The following SHB variants were observed in gnomAD, a reference collection of about 807,000 sequenced individuals.
The protein encoded by SHB is SH2 domain containing adaptor protein B.
In SHB, 20 loss-of-function variants were observed where a neutral mutation model predicts 52.3. The observed-to-expected ratio is 0.38, with a 90% CI of 0.27 to 0.56. The LOEUF (loss-of-function observed/expected upper bound fraction) is 0.56. Ranked by LOEUF, SHB falls within the 20% of genes least tolerant of loss-of-function variation. The pLI, the probability that SHB is intolerant of heterozygous loss-of-function variation, is 0.71. For missense variants in SHB, 825 were observed against 723.3 expected, an observed-to-expected ratio of 1.14 and a Z score of -1.61; for synonymous variants, 397 against 316.5, an observed-to-expected ratio of 1.25 and a Z score of -2.70.
chr9:37,931,901 C>T (rs539373102), intron 5 of SHB, among the ~76,000 whole-genome samples: 6 of 152,206 alleles, frequency 3.9e-5, no homozygotes, highest in African/African-American at 4.8e-5. Context: ...AATACTATTC[C>T]GCCCTAAAAA....
rs1822013804 is a variant in SHB, at chr9:38,068,741, GC to G, written c.-97del. 5.5e-6 allele frequency: 4 copies of G among 722,372 alleles called. No individual in the cohort carries two copies. Among genetic ancestry groups the G allele is most frequent in the Non-Finnish European group, 7.0e-6 (4 of 573,206 alleles). The allele number at this position is 722,372 out of a possible 1,614,324, so 44.7% of individuals were successfully genotyped here. A position where few individuals can be genotyped will look rare whatever the true frequency, so the allele number is the denominator to read the frequency against. On this transcript the variant is annotated 5_prime_UTR_variant, in exon 1 of 6. Coordinates refer to ENST00000377707, the MANE Select transcript of SHB (RefSeq NM_003028.3). ...GCGGCGCAGGTCCCTCGGCGCCCCGGCCCCGGCGGGGGGCGTCCGGGGCGCC... is the reference window on the plus strand; with the variant it reads ...GCGGCGCAGGTCCCTCGGCGCCCCGGCCCGGCGGGGGGCGTCCGGGGCGCC...
chr9:38,055,695 G>A (rs1461851224), intron 1 of SHB, among the ~76,000 whole-genome samples: 1 of 152,064 alleles, frequency 6.6e-6, no homozygotes, highest in Admixed American at 6.6e-5. Context: ...GAGCACCCAG[G>A]CTTAACTGTC....
At chr9:37,931,566 C>G (rs1832311303) in intron 5 of SHB, among the ~76,000 whole-genome samples, 1 of 152,194 alleles carries the variant, frequency 6.6e-6, no homozygotes, top group Non-Finnish European at 1.5e-5. Context: ...ACTAGAATGG[C>G]TATTATCAAA....
In SHB at chr9:37,918,977, A is replaced by G. The variant is rs985101018; in HGVS notation, c.*844T>C. Among the ~76,000 whole-genome samples the G allele has an allele frequency of 6.6e-6, 1 of 152,116 alleles. No individual in the cohort carries two copies. The highest frequency in any genetic ancestry group is 2.1e-4 in the South Asian group (1 of 4,830). The stretch of plus-strand genomic sequence containing the variant: ...CAGAGCAGACGGCTCTTGTGTCCAG[A>G]GCTGCTGAGGGCTGGAGCTGAGGCC... On this transcript the variant is annotated 3_prime_UTR_variant, in exon 6 of 6. Coordinates refer to ENST00000377707, the MANE Select transcript of SHB (RefSeq NM_003028.3).
intron 2 of SHB, among the ~76,000 whole-genome samples, chr9:37,984,383 T>C (rs1820777983): frequency 6.6e-6 from 1 of 152,130 alleles, no homozygotes. Flanking sequence ...CACCCCCACA[T>C]AGGAGCCATA....
chr9:37,947,029 C>T (rs1192998141), intron 5 of SHB, among the ~76,000 whole-genome samples: 1 of 152,204 alleles, frequency 6.6e-6, no homozygotes, highest in Non-Finnish European at 1.5e-5. Context: ...CTGCTGTCCT[C>T]TCCTCAGTCC....
chr9:37,988,592 C>A (rs1820839646), intron 2 of SHB, among the ~76,000 whole-genome samples: 1 of 152,172 alleles, frequency 6.6e-6, no homozygotes, highest in Non-Finnish European at 1.5e-5. Context: ...TGCCCACCGA[C>A]AAGCTTCTCT....
At chr9:38,058,864 C>T (rs1204589012) in intron 1 of SHB, among the ~76,000 whole-genome samples, 9 of 152,182 alleles carry the variant, frequency 5.9e-5, no homozygotes, top group Non-Finnish European at 1.3e-4. Flanking sequence ...GCCATCACAA[C>T]TCTTAGCAAG....
At chr9:37,975,812 C>T (rs1820646195) in intron 2 of SHB, among the ~76,000 whole-genome samples, 1 of 152,132 alleles carries the variant, frequency 6.6e-6, no homozygotes, top group Non-Finnish European at 1.5e-5. Flanking sequence ...TACCATCATG[C>T]TTGGCGGCAA....
At chr9:38,038,930 G>A (rs934400385) in intron 1 of SHB, among the ~76,000 whole-genome samples, 2 of 152,210 alleles carry the variant, frequency 1.3e-5, no homozygotes, top group African/African-American at 4.8e-5. Flanking sequence ...GGAATGGAGC[G>A]GGTGGGATCA....
chr9:37,991,173 C>T (rs2243762), intron 2 of SHB, among the ~76,000 whole-genome samples: 80,172 of 151,986 alleles, frequency 0.53, 21,234 homozygotes, highest in East Asian at 0.72. Flanking sequence ...CTATGTGGAA[C>T]GAGGCACAGT....
chr9:38,045,530 G>T (rs1488433553), intron 1 of SHB, among the ~76,000 whole-genome samples: 1 of 151,992 alleles, frequency 6.6e-6, no homozygotes, highest in Non-Finnish European at 1.5e-5. Context: ...AGAATCTCTT[G>T]AATCTGGGAG....
At chr9:38,060,374 C>T (rs1821877241) in intron 1 of SHB, among the ~76,000 whole-genome samples, 1 of 152,102 alleles carries the variant, frequency 6.6e-6, no homozygotes, top group African/African-American at 2.4e-5. Context: ...AGTGTTTCAC[C>T]ATGTTGGCCA....
chr9:38,036,234 A>G (rs1821485737), intron 1 of SHB, among the ~76,000 whole-genome samples: 1 of 152,192 alleles, frequency 6.6e-6, no homozygotes, highest in Admixed American at 6.5e-5. Context: ...ACTCTAACGC[A>G]TGGGGCACTG....
intron 1 of SHB, among the ~76,000 whole-genome samples, chr9:38,057,856 A>G (rs1821840771): frequency 6.6e-6 from 1 of 152,238 alleles, no homozygotes; most frequent in African/African-American, 2.4e-5. Context: ...TCCTATCAGA[A>G]GCAGCCAGCA....
chr9:38,016,812 A>G (rs974859800), intron 1 of SHB, among the ~76,000 whole-genome samples: 9 of 152,236 alleles, frequency 5.9e-5, no homozygotes, highest in African/African-American at 2.2e-4. Context: ...ACTGAGGTCC[A>G]GTGTGAGCAG....
At chr9:37,965,883 G>A (rs888652290) in intron 3 of SHB, among the ~76,000 whole-genome samples, 4 of 152,208 alleles carry the variant, frequency 2.6e-5, no homozygotes, top group Non-Finnish European at 5.9e-5. Flanking sequence ...GGGGCACAGT[G>A]AGTGCTCATA....
chr9:38,068,525 G>A lies in SHB; in HGVS notation c.121C>T (p.Pro41Ser), dbSNP rs755057321. ...GAGGAGGCCTGCGGCACGGCCTGGG[G>A]GGGCTGCGAAGGCCGCTCGCCTCGG... The part of the protein sequence containing the change: ...RRRGERPSQP[P>S]QAVPQASSAA... The change falls in exon 1 of 6, where the codon CCC becomes TCC. Residue 41 changes from proline (P) to serine (S), a missense_variant. Pro to Ser is a moderately conservative substitution (Grantham distance 74). Coordinates refer to ENST00000377707, the MANE Select transcript of SHB (RefSeq NM_003028.3). 17 of 1,458,406 alleles carry A rather than the reference G, an allele frequency of 1.2e-5. No individual in the cohort carries two copies. The highest frequency in any genetic ancestry group is 7.4e-5 in the African/African-American group (5 of 67,624). 90.3% of individuals were successfully genotyped at this position (1,458,406 alleles called of 1,614,324 possible).
At chr9:37,952,446 C>T (rs1042707157) in intron 4 of SHB, among the ~76,000 whole-genome samples, 7 of 152,200 alleles carry the variant, frequency 4.6e-5, no homozygotes, top group African/African-American at 7.2e-5. Flanking sequence ...CTGTGAGCAG[C>T]GGGCAGGAGG....
Sources: allele counts gnomAD v4.1 joint callset (sites outside exome capture counted in the v4.1 genomes callset), GRCh38; gene constraint gnomAD v4.1.1; transcripts MANE v1.5; gene names NCBI Gene and HGNC (gene_info 2026-07-23, HGNC 2026-07-21).